Variants in TANGO6 observed in about 807,000 individuals in gnomAD.
TANGO6 encodes transport and golgi organization 6 homolog.
Under a neutral mutation model 114.2 loss-of-function variants are expected in TANGO6, and 90 were observed. The ratio of observed to expected loss-of-function variants is 0.79; its 90% confidence interval spans 0.66 to 0.94. The LOEUF (loss-of-function observed/expected upper bound fraction) is 0.94. Ranked by LOEUF, TANGO6 falls within the 40% of genes least tolerant of loss-of-function variation. The probability of loss-of-function intolerance (pLI) is 0.00; values close to 1 mark genes in which losing one functional copy is unlikely to be tolerated. For synonymous variants in TANGO6, 477 were observed against 509.8 expected, an observed-to-expected ratio of 0.94 and a Z score of 0.87; for missense variants, 1,274 against 1,315.3, an observed-to-expected ratio of 0.97 and a Z score of 0.49.
intron 15 of TANGO6, among the ~76,000 whole-genome samples, chr16:69,019,468 C>T (rs1959364194): frequency 6.6e-6 from 1 of 152,118 alleles, no homozygotes; most frequent in Non-Finnish European, 1.5e-5. Flanking sequence ...TTTTCTTATA[C>T]TGTATGGAAG....
intron 17 of TANGO6, among the ~76,000 whole-genome samples, chr16:69,050,720 C>T (rs1033360482): frequency 3.3e-5 from 5 of 152,204 alleles, no homozygotes; most frequent in Non-Finnish European, 5.9e-5. Flanking sequence ...AAACTCCTGA[C>T]CTCATGATCC....
At chr16:68,917,340 A>G (rs1057032700) in intron 11 of TANGO6, among the ~76,000 whole-genome samples, 2 of 152,198 alleles carry the variant, frequency 1.3e-5, no homozygotes, top group Non-Finnish European at 2.9e-5. Context: ...AGTTTTAACA[A>G]TTATGACTAG....
chr16:68,871,087 G>A (rs372649158), intron 4 of TANGO6, among the ~76,000 whole-genome samples: 54 of 151,840 alleles, frequency 3.6e-4, no homozygotes, highest in African/African-American at 1.2e-3. Context: ...CACCGCACCC[G>A]GCCTGGCAAT....
chr16:68,894,578 C>T (rs1962677985), intron 7 of TANGO6, among the ~76,000 whole-genome samples: 1 of 151,980 alleles, frequency 6.6e-6, no homozygotes, highest in Non-Finnish European at 1.5e-5. Flanking sequence ...GCCTGACATG[C>T]TGGCATACTG....
At chr16:68,902,601 AC>A in intron 9 of TANGO6, 97 bp downstream of exon 9, 1 of 1,180,356 alleles carries the variant, frequency 8.5e-7, no homozygotes, top group Non-Finnish European at 1.2e-6. Flanking sequence ...TAGAAAAGAA[AC>A]CAGAAACTCA....
rs763632272 is a variant in TANGO6, at chr16:68,875,274, G to A, written c.1115G>A (p.Arg372Lys). 4 of 1,613,072 alleles carry A rather than the reference G, an allele frequency of 2.5e-6. No individual in the cohort carries two copies. The highest frequency in any genetic ancestry group is 2.2e-5 in the South Asian group (2 of 90,974). Residue 372 changes from arginine to lysine, a missense_variant, in exon 5 of 18, where the codon AGG (arginine) becomes AAG (lysine). Around this residue, in one of 5 missense-constraint regions of TANGO6, gnomAD observed 908 missense variants for 910.2 expected, o/e 1.00. Coordinates refer to ENST00000261778, the MANE Select transcript of TANGO6 (RefSeq NM_024562.2). The part of the protein sequence containing the change: ...QQSLSPENYY[R>K]DICPQVLDLF... ...TCTCTTTCACCAGAGAATTACTACA[G>A]GGACATCTGCCCCCAGGTAAATCTT...
In TANGO6 at chr16:68,875,149, G is replaced by A; in HGVS notation, c.995-5G>A. 1 of 1,610,752 alleles carries A rather than the reference G, an allele frequency of 6.2e-7. No homozygotes were observed. Among genetic ancestry groups the A allele is most frequent in the South Asian group, 1.1e-5 (1 of 90,722 alleles). On this transcript the variant is annotated splice_region_variant and splice_polypyrimidine_tract_variant and intron_variant, in intron 4 of 17. Coordinates refer to ENST00000261778, the MANE Select transcript of TANGO6 (RefSeq NM_024562.2). ...AGCTGCTAACATCTCTCTCCATTGT[G>A]CCAGCGGGAGCAGCTGGTGGAAGTG...
chr16:68,885,105 A>G (rs1281024069), intron 7 of TANGO6, among the ~76,000 whole-genome samples: 1 of 152,232 alleles, frequency 6.6e-6, no homozygotes, highest in African/African-American at 2.4e-5. Flanking sequence ...TTCTGCTAAT[A>G]CTAAATTATA....
At chr16:69,034,988 C>A (rs1959663772) in intron 16 of TANGO6, 1 of 151,514 alleles carries the variant, frequency 6.6e-6, no homozygotes, top group Admixed American at 6.6e-5. Flanking sequence ...TTAAGTGAAC[C>A]ACAGTGAGAG....
At chr16:69,024,414 G>A (rs1045849916) in intron 16 of TANGO6, among the ~76,000 whole-genome samples, 6 of 151,854 alleles carry the variant, frequency 4.0e-5, no homozygotes, top group Admixed American at 1.3e-4. Context: ...GATTACAGGC[G>A]CATGCCACTA....
intron 14 of TANGO6, among the ~76,000 whole-genome samples, chr16:68,965,343 T>A (rs560703936): frequency 6.6e-6 from 1 of 152,168 alleles, no homozygotes; most frequent in African/African-American, 2.4e-5. Context: ...TTTTCTTTTT[T>A]AATCAAGTAA....
At chr16:68,911,734 C>G (rs1336613889) in intron 11 of TANGO6, among the ~76,000 whole-genome samples, 1 of 152,062 alleles carries the variant, frequency 6.6e-6, no homozygotes, top group African/African-American at 2.4e-5. Flanking sequence ...TTTCTAAATA[C>G]CATTTTCTAC....
chr16:69,028,745 G>C (rs984984107), intron 16 of TANGO6, among the ~76,000 whole-genome samples: 3 of 149,944 alleles, frequency 2.0e-5, no homozygotes, highest in Non-Finnish European at 4.4e-5. Flanking sequence ...TAGAGATGGG[G>C]TCTTGCTGTG....
At chr16:69,073,138 T>A (rs1428332127) in intron 17 of TANGO6, among the ~76,000 whole-genome samples, 2 of 151,934 alleles carry the variant, frequency 1.3e-5, no homozygotes, top group Non-Finnish European at 2.9e-5. Context: ...GAGAGAGTGT[T>A]GGGAGATTTG....
intron 15 of TANGO6, among the ~76,000 whole-genome samples, chr16:68,997,458 T>A (rs532216107): frequency 1.3e-5 from 2 of 152,338 alleles, no homozygotes; most frequent in Admixed American, 6.5e-5. Context: ...TAGGGTAATG[T>A]CTGGACATTG....
chr16:68,853,552 G>A (rs1175554907), intron 1 of TANGO6, among the ~76,000 whole-genome samples: 2 of 152,066 alleles, frequency 1.3e-5, no homozygotes, highest in Non-Finnish European at 2.9e-5. Flanking sequence ...GGCTATGTGG[G>A]CTGTTTCCAG....
chr16:68,930,635 C>T (rs963912695), intron 14 of TANGO6, among the ~76,000 whole-genome samples: 23 of 134,150 alleles, frequency 1.7e-4, no homozygotes, highest in African/African-American at 2.5e-4. Context: ...CGGCTACTGT[C>T]TTTTTTTTTT....
At chr16:68,943,138 C>T (rs1250303950) in intron 14 of TANGO6, among the ~76,000 whole-genome samples, 1 of 151,682 alleles carries the variant, frequency 6.6e-6, no homozygotes, top group African/African-American at 2.4e-5. Flanking sequence ...TGGGCTCAAG[C>T]AATCAGCCTG....
chr16:68,928,829 T>C (rs535731198), intron 13 of TANGO6, among the ~76,000 whole-genome samples: 13 of 152,352 alleles, frequency 8.5e-5, no homozygotes, highest in African/African-American at 2.9e-4. Context: ...ACCTGTTTTC[T>C]CTGGGCATCT....
Sources: gnomAD v4.1 joint callset for allele counts (sites outside exome capture counted in the v4.1 genomes callset) on GRCh38, gnomAD v4.1.1 for gene constraint, gnomAD v4.1.1 regional missense constraint, MANE v1.5 for transcripts, NCBI Gene and HGNC (gene_info 2026-07-23, HGNC 2026-07-21) for gene names.